EPB41: variants seen among roughly 807,000 people sequenced by gnomAD.
EPB41 encodes the protein protein 4.1.
In EPB41, 65 loss-of-function variants were observed where a neutral mutation model predicts 108.0. The observed-to-expected ratio is 0.60, with a 90% CI of 0.49 to 0.74. EPB41 has a LOEUF of 0.74. Among genes scored for constraint, EPB41 ranks in the 30% least tolerant of loss-of-function variants. The pLI is 0.00. For missense variants in EPB41, 875 were observed against 1,037.0 expected, an observed-to-expected ratio of 0.84 and a Z score of 2.15; for synonymous variants, 336 against 358.9, an observed-to-expected ratio of 0.94 and a Z score of 0.72.
At chr1:28,934,727 G>A (rs2093920900) in intron 1 of EPB41, among the ~76,000 whole-genome samples, 1 of 142,252 alleles carries the variant, frequency 7.0e-6, no homozygotes, top group Admixed American at 7.1e-5. Context: ...TTCCTACTTT[G>A]TGGTACTACA....
chr1:29,045,091 C>T (rs767613728), intron 11 of EPB41, among the ~76,000 whole-genome samples: 3 of 152,056 alleles, frequency 2.0e-5, no homozygotes, highest in Non-Finnish European at 4.4e-5. Flanking sequence ...TAGCCCTTAG[C>T]GTTATCTTAT....
At chr1:28,980,794 G>GT (rs1227983608) in intron 1 of EPB41, among the ~76,000 whole-genome samples, 12,763 of 118,160 alleles carry the variant, frequency 0.11, 1,061 homozygotes, top group East Asian at 0.35. Flanking sequence ...TATTCCAGGA[G>GT]TTTTTTTTTT....
rs567066989 is a variant in EPB41 at position 28,906,788 on chromosome 1, T to G, written c.-8+19578T>G. ...AACTTTTCTTTTTTTTTCTTTTTTT[T>G]TTTTTGAGACGGAGTCTCGCTCTGT... On this transcript the variant is annotated intron_variant, in intron 1 of 16. Coordinates refer to the EPB41 transcript ENST00000347529. 5.9e-5 allele frequency among the ~76,000 whole-genome samples: 9 copies of G among 151,850 alleles called. No homozygotes were observed. The East Asian group carries it at 1.5e-3, about 26-fold the overall frequency.
At position 28,887,750 on chromosome 1, in the gene EPB41, C is replaced by T; in HGVS notation, c.-8+540C>T. ...AGGAACCGACCCGCCAGCTGGGGCGCCGGCTGTGCCCGCCAGGGTGGCCCC... is the reference window on the plus strand; with the variant it reads ...AGGAACCGACCCGCCAGCTGGGGCGTCGGCTGTGCCCGCCAGGGTGGCCCC... On this transcript the variant is annotated intron_variant, in intron 1 of 16. Transcript: ENST00000347529. This position sits in a 1 kb window ranked among gnomAD's most constrained non-coding sequence, Gnocchi z 4.9. The T allele has an allele frequency of 1.1e-6, 1 of 935,040 alleles. No individual in the cohort carries two copies. Among genetic ancestry groups the T allele is most frequent in the South Asian group, 4.9e-5 (1 of 20,412 alleles). 57.9% of individuals were successfully genotyped at this position (935,040 alleles called of 1,614,324 possible).
intron 1 of EPB41, among the ~76,000 whole-genome samples, chr1:28,984,104 A>G (rs1157182369): frequency 1.3e-5 from 2 of 152,114 alleles, no homozygotes. Flanking sequence ...TACACCATCA[A>G]GCTATCCCTC....
intron 1 of EPB41, among the ~76,000 whole-genome samples, chr1:28,962,164 G>A (rs112641764): frequency 0.025 from 3,766 of 151,932 alleles, 155 homozygotes; most frequent in African/African-American, 0.086. Context: ...AGGTTCAAGC[G>A]ATTCTCCTGC....
intron 17 of EPB41, 138 bp from the exon 18 acceptor site, chr1:29,109,198 C>CAAAA: frequency 3.3e-6 from 2 of 612,430 alleles, no homozygotes; most frequent in Non-Finnish European, 5.7e-6. Flanking sequence ...AACTCCGTCT[C>CAAAA]AAAAAAAAAA....
At chr1:28,998,547 C>T (rs1201087599) in intron 4 of EPB41, among the ~76,000 whole-genome samples, 1 of 152,132 alleles carries the variant, frequency 6.6e-6, no homozygotes, top group African/African-American at 2.4e-5. Context: ...TTAGATAATG[C>T]AAACTAGAAG....
intron 16 of EPB41, among the ~76,000 whole-genome samples, chr1:29,086,940 CTTTTTTTTTT>C (rs386366593): frequency 5.1e-4 from 50 of 98,546 alleles, no homozygotes; most frequent in Non-Finnish European, 6.0e-4. Flanking sequence ...AACTGTGGTT[CTTTTTTTTTT>C]TTTTTTTTTT....
intron 16 of EPB41, among the ~76,000 whole-genome samples, chr1:29,087,511 C>T (rs1389179887): frequency 2.6e-5 from 4 of 152,022 alleles, no homozygotes; most frequent in African/African-American, 7.2e-5. Flanking sequence ...TACAGGCATG[C>T]GCCACCACAC....
chr1:29,010,725 T>C (rs1489928197), intron 4 of EPB41, among the ~76,000 whole-genome samples: 3 of 152,178 alleles, frequency 2.0e-5, no homozygotes, highest in African/African-American at 7.2e-5. Context: ...AAGGACAAGA[T>C]TGGCGTGGGC....
At position 28,889,789 on chromosome 1, in the gene EPB41, G is replaced by A. The variant is rs138304313; in HGVS notation, c.-8+2579G>A. Reference sequence around the variant, plus strand: ...GAGCCCAGGTGTGGAACCAAACCGAGCTTCATTCGGTTATTCTCTAAGCCT... The same window carrying A: ...GAGCCCAGGTGTGGAACCAAACCGAACTTCATTCGGTTATTCTCTAAGCCT... On this transcript the variant is annotated intron_variant, in intron 1 of 16. Coordinates refer to the EPB41 transcript ENST00000347529. 4.0e-5 allele frequency: 39 copies of A among 985,190 alleles called. No individual in the cohort carries two copies. The Middle Eastern group carries it at 1.6e-3, about 40-fold the overall frequency. The allele number at this position is 985,190 out of a possible 1,614,324, so 61.0% of individuals were successfully genotyped here.
intron 17 of EPB41, among the ~76,000 whole-genome samples, chr1:29,099,079 C>T (rs568140362): frequency 5.4e-5 from 8 of 149,120 alleles, no homozygotes; most frequent in South Asian, 4.3e-4. Flanking sequence ...GAGGCCGAGG[C>T]GGGCAGATCA....
chr1:28,973,601 C>T (rs1482959815), intron 1 of EPB41, among the ~76,000 whole-genome samples: 1 of 152,032 alleles, frequency 6.6e-6, no homozygotes, highest in Non-Finnish European at 1.5e-5. Flanking sequence ...TGCTGTGTTG[C>T]CCAGGCTGGT....
chr1:28,924,745 A>G (rs962005494), intron 1 of EPB41, among the ~76,000 whole-genome samples: 1 of 152,218 alleles, frequency 6.6e-6, no homozygotes, highest in South Asian at 2.1e-4. Flanking sequence ...AGGCACTATC[A>G]TAAGTACATT....
At chr1:29,098,088 C>T (rs1663863541) in intron 17 of EPB41, among the ~76,000 whole-genome samples, 153 bp downstream of exon 17, 1 of 152,232 alleles carries the variant, frequency 6.6e-6, no homozygotes, top group Non-Finnish European at 1.5e-5. Flanking sequence ...AGGTCCCAGA[C>T]TACTTTATCT....
intron 10 of EPB41, among the ~76,000 whole-genome samples, chr1:29,038,766 A>G (rs1157943784): frequency 6.6e-6 from 1 of 152,342 alleles, no homozygotes; most frequent in East Asian, 1.9e-4. Flanking sequence ...AACTGAGTTT[A>G]AAAATACACC....
At chr1:29,068,848 A>T in intron 16 of EPB41, 1 of 1,169,292 alleles carries the variant, frequency 8.6e-7, no homozygotes, top group Non-Finnish European at 1.1e-6. Context: ...CACTAAGCAG[A>T]TAATCCCCCC....
At chr1:28,902,878 A>G (rs753989365) in intron 1 of EPB41, among the ~76,000 whole-genome samples, 31 of 152,134 alleles carry the variant, frequency 2.0e-4, no homozygotes, top group Non-Finnish European at 4.0e-4. Context: ...CACCTGTCAA[A>G]CAGAGATAAA....
Sources: allele counts gnomAD v4.1 joint callset (sites outside exome capture counted in the v4.1 genomes callset), GRCh38; gene constraint gnomAD v4.1.1; non-coding constraint Gnocchi (gnomAD v3.1); transcripts MANE v1.5; gene names NCBI Gene and HGNC (gene_info 2026-07-23, HGNC 2026-07-21).